The following PLCB1 variants were observed in gnomAD, a reference collection of about 807,000 sequenced individuals.
PLCB1 encodes the protein 1-phosphatidylinositol 4,5-bisphosphate phosphodiesterase beta-1.
PLCB1 carries 46 observed loss-of-function variants against 161.8 expected under a neutral mutation model. The ratio of observed to expected loss-of-function variants is 0.28; its 90% confidence interval spans 0.22 to 0.36. PLCB1 has a LOEUF of 0.36. Among genes scored for constraint, PLCB1 ranks in the 10% least tolerant of loss-of-function variants. PLCB1 has a pLI of 1.00. For missense variants in PLCB1, 1,016 were observed against 1,472.5 expected (o/e 0.69, Z 5.07); for synonymous variants, 517 against 503.7 (o/e 1.03, Z -0.35).
intron 3 of PLCB1, among the ~76,000 whole-genome samples, chr20:8,471,128 T>C (rs1982034398): frequency 6.6e-6 from 1 of 152,208 alleles, no homozygotes; most frequent in African/African-American, 2.4e-5. Context: ...TTGTGTCATA[T>C]TTAATACCAC....
At chr20:8,378,027 A>C (rs1987145730) in intron 3 of PLCB1, among the ~76,000 whole-genome samples, 1 of 152,194 alleles carries the variant, frequency 6.6e-6, no homozygotes, top group Admixed American at 6.5e-5. Context: ...GGAGACTTGG[A>C]GGAAACAGCA....
At chr20:8,193,897 GCT>G (rs2051996406) in intron 2 of PLCB1, among the ~76,000 whole-genome samples, 3 of 151,980 alleles carry the variant, frequency 2.0e-5, no homozygotes, top group African/African-American at 7.2e-5. Context: ...GATCTGTTAA[GCT>G]ATGAGGGTCT....
At chr20:8,203,135 G>A (rs1051877053) in intron 2 of PLCB1, among the ~76,000 whole-genome samples, 1 of 151,996 alleles carries the variant, frequency 6.6e-6, no homozygotes, top group African/African-American at 2.4e-5. Context: ...AGAGGCAGTG[G>A]CATGGAGGAT....
chr20:8,471,457 A>G (rs552956086), intron 3 of PLCB1, among the ~76,000 whole-genome samples: 72 of 152,304 alleles, frequency 4.7e-4, no homozygotes, highest in African/African-American at 1.7e-3. Flanking sequence ...GATTGTGACA[A>G]CTGGACAGGT....
rs990608511 is a variant in PLCB1, at chr20:8,307,923, AAAAC to A, written c.178-63439_178-63436del. ...GGGCAACAGAGCAAGACTCCATCTCAAAACAAACAAACAAACAAACAAAACAAAA... is the reference window on the plus strand; with the variant it reads ...GGGCAACAGAGCAAGACTCCATCTCAAAACAAACAAACAAACAAAACAAAA... On this transcript the variant is annotated intron_variant, in intron 2 of 31. Transcript: ENST00000338037. Among the ~76,000 whole-genome samples, 106 of 152,030 alleles carry A rather than the reference AAAAC, an allele frequency of 7.0e-4. 3 individuals carry two copies. The highest frequency in any genetic ancestry group is 1.5e-3 in the South Asian group (7 of 4,806).
chr20:8,529,720 T>C (rs1984725260), intron 3 of PLCB1, among the ~76,000 whole-genome samples: 1 of 152,076 alleles, frequency 6.6e-6, no homozygotes, highest in Non-Finnish European at 1.5e-5. Flanking sequence ...TCTCCAGCCA[T>C]CCTGTGCCCT....
At chr20:8,752,489 A>G (rs6118301) in intron 23 of PLCB1, 37,762 of 152,052 alleles carry the variant, frequency 0.25, 5,207 homozygotes, top group Non-Finnish European at 0.32. Flanking sequence ...GGTAAATGGA[A>G]TCAATTAAAA....
intron 13 of PLCB1, among the ~76,000 whole-genome samples, chr20:8,717,425 A>G (rs1213393871): frequency 6.6e-6 from 1 of 152,168 alleles, no homozygotes; most frequent in Admixed American, 6.5e-5. Flanking sequence ...CATCAAATCT[A>G]CCAGTACATT....
At chr20:8,362,922 C>T (rs1428205961) in intron 2 of PLCB1, among the ~76,000 whole-genome samples, 3 of 152,072 alleles carry the variant, frequency 2.0e-5, no homozygotes, top group African/African-American at 7.2e-5. Context: ...CTATTATGTA[C>T]ATAGGGTCAA....
chr20:8,345,009 C>G (rs1477030737), intron 2 of PLCB1, among the ~76,000 whole-genome samples: 2 of 152,196 alleles, frequency 1.3e-5, no homozygotes, highest in African/African-American at 2.4e-5. Flanking sequence ...AGGCAGGAAA[C>G]TACTCTAACC....
intron 3 of PLCB1, among the ~76,000 whole-genome samples, chr20:8,481,646 C>A (rs1316532897): frequency 6.6e-6 from 1 of 152,144 alleles, no homozygotes; most frequent in Non-Finnish European, 1.5e-5. Context: ...TCCTTAATTA[C>A]CATTTTGGGG....
chr20:8,673,699 G>A lies in PLCB1; in HGVS notation c.863-11233G>A, dbSNP rs192950795. ...TTTTAGTTGTCTATGATACAATATC[G>A]TTTGAGATATCTGGTTGCCAAGATG... On this transcript the variant is annotated intron_variant, in intron 9 of 31. Transcript: ENST00000338037. Among the ~76,000 whole-genome samples the A allele has an allele frequency of 1.1e-3, 170 of 152,186 alleles. 2 individuals carry two copies. The highest frequency in any genetic ancestry group is 4.0e-3 in the African/African-American group (167 of 41,530).
At chr20:8,712,373 G>A (rs1215479583) in intron 12 of PLCB1, among the ~76,000 whole-genome samples, 1 of 152,104 alleles carries the variant, frequency 6.6e-6, no homozygotes, top group African/African-American at 2.4e-5. Context: ...CCCAATATCT[G>A]AAGTCACCTA....
intron 23 of PLCB1, among the ~76,000 whole-genome samples, chr20:8,746,434 T>C (rs1225747010): frequency 6.6e-6 from 1 of 152,200 alleles, no homozygotes; most frequent in Non-Finnish European, 1.5e-5. Context: ...ACTTTTTTAA[T>C]GTTAGAGAAG....
intron 2 of PLCB1, among the ~76,000 whole-genome samples, chr20:8,291,135 G>A (rs1361186832): frequency 1.3e-5 from 2 of 151,968 alleles, no homozygotes; most frequent in African/African-American, 4.8e-5. Context: ...GTGGGCTTAA[G>A]ATTTAATCTT....
At chr20:8,383,830 A>T (rs1316666960) in intron 3 of PLCB1, among the ~76,000 whole-genome samples, 2 of 152,138 alleles carry the variant, frequency 1.3e-5, no homozygotes, top group Non-Finnish European at 2.9e-5. Flanking sequence ...GTTTTCTTTA[A>T]GAATGTTGAA....
intron 2 of PLCB1, among the ~76,000 whole-genome samples, chr20:8,214,111 C>A (rs1275084394): frequency 6.6e-6 from 1 of 152,110 alleles, no homozygotes; most frequent in Middle Eastern, 3.2e-3. Flanking sequence ...CAGTCTTACA[C>A]GTAAGCTTCC....
chr20:8,326,078 G>GAA (rs1985141513), intron 2 of PLCB1, among the ~76,000 whole-genome samples: 1 of 152,124 alleles, frequency 6.6e-6, no homozygotes, highest in Non-Finnish European at 1.5e-5. Flanking sequence ...TTTACCCTTC[G>GAA]AGGTTGTTTA....
intron 1 of PLCB1, among the ~76,000 whole-genome samples, chr20:8,147,834 C>A (rs546858204): frequency 6.6e-6 from 1 of 150,790 alleles, no homozygotes; most frequent in East Asian, 1.9e-4. Flanking sequence ...ACAAACTAGG[C>A]AGCATAGAAC....
Sources: allele counts gnomAD v4.1 joint callset (sites outside exome capture counted in the v4.1 genomes callset), GRCh38; gene constraint gnomAD v4.1.1; transcripts MANE v1.5; gene names NCBI Gene and HGNC (gene_info 2026-07-23, HGNC 2026-07-21).